SP140L: variants seen among roughly 807,000 people sequenced by gnomAD.
SP140L encodes nuclear body protein SP140-like protein.
In SP140L, 64 loss-of-function variants were observed where a neutral mutation model predicts 84.3. The ratio of observed to expected loss-of-function variants is 0.76; its 90% CI spans 0.62 to 0.94. The LOEUF (loss-of-function observed/expected upper bound fraction) is 0.94, where lower values mean the gene tolerates loss of function less well. SP140L is among the 40% of genes least tolerant of loss of function. The pLI is 0.00. For missense variants in SP140L, 628 were observed against 692.5 expected, an observed-to-expected ratio of 0.91 and a Z score of 1.05; for synonymous variants, 242 against 236.9, an observed-to-expected ratio of 1.02 and a Z score of -0.20.
At chr2:230,397,767 G>A (rs2062117513) in intron 14 of SP140L, among the ~76,000 whole-genome samples, 2 of 152,120 alleles carry the variant, frequency 1.3e-5, no homozygotes, top group Non-Finnish European at 2.9e-5. Flanking sequence ...CCTCCAATCA[G>A]ATTTAGGTCT....
intron 7 of SP140L, among the ~76,000 whole-genome samples, chr2:230,376,038 T>C (rs2061231127): frequency 6.6e-6 from 1 of 152,200 alleles, no homozygotes; most frequent in South Asian, 2.1e-4. Context: ...TATGGTTTCA[T>C]GTTTGACATT....
At chr2:230,366,319 T>C (rs999263508) in intron 5 of SP140L, among the ~76,000 whole-genome samples, 1 of 152,154 alleles carries the variant, frequency 6.6e-6, no homozygotes, top group South Asian at 2.1e-4. Context: ...GCATATATAT[T>C]AGTGTGCAAT....
chr2:230,366,710 C>CATTATGAT (rs1553620448), intron 5 of SP140L, among the ~76,000 whole-genome samples: 1 of 144,588 alleles, frequency 6.9e-6, no homozygotes, highest in African/African-American at 2.5e-5. Context: ...GGATTATTAT[C>CATTATGAT]TATTATTATT....
At chr2:230,357,432 A>T (rs886672855) in intron 2 of SP140L, among the ~76,000 whole-genome samples, 1 of 152,056 alleles carries the variant, frequency 6.6e-6, no homozygotes, top group African/African-American at 2.4e-5. Context: ...TTAGATTTTT[A>T]TTTATATTCC....
At chr2:230,384,781 G>A (rs2061518988) in intron 8 of SP140L, among the ~76,000 whole-genome samples, 1 of 151,870 alleles carries the variant, frequency 6.6e-6, no homozygotes. Context: ...ATGTGGTGGC[G>A]GGCGCCTATA....
chr2:230,393,374 A>G, intron 12 of SP140L, 40 bp from the exon 13 acceptor site: 1 of 1,558,262 alleles, frequency 6.4e-7, no homozygotes, highest in Non-Finnish European at 8.7e-7. Flanking sequence ...CAAAACAGAA[A>G]CGCAGGCTGA....
Position 230,333,239 on chromosome 2 carries a change from A to G in SP140L, c.107+4408A>G, listed in dbSNP as rs560753488. Among the ~76,000 whole-genome samples the G allele has an allele frequency of 6.6e-5, 10 of 151,466 alleles. No homozygotes were observed. The South Asian group carries it at 1.9e-3, about 29-fold the overall frequency. On this transcript the variant is annotated intron_variant, in intron 2 of 18. Coordinates refer to ENST00000415673, the MANE Select transcript of SP140L (RefSeq NM_138402.6). ...AGTGGCACAATCTCAGCTCACTGCA[A>G]CCTCCACCTCCCAGGTTCAAGTGAT...
At chr2:230,354,916 A>G (rs915184710) in intron 2 of SP140L, among the ~76,000 whole-genome samples, 2 of 146,348 alleles carry the variant, frequency 1.4e-5, no homozygotes, top group African/African-American at 5.0e-5. Context: ...AAGAAGAAAG[A>G]AAAAGAAAGA....
chr2:230,376,405 A>T (rs1193462591), intron 7 of SP140L, among the ~76,000 whole-genome samples: 1 of 152,202 alleles, frequency 6.6e-6, no homozygotes, highest in Non-Finnish European at 1.5e-5. Flanking sequence ...TAAAGTTGCA[A>T]GATTTAAAGA....
chr2:230,374,668 C>A (rs1333470213), intron 7 of SP140L, among the ~76,000 whole-genome samples: 6 of 152,190 alleles, frequency 3.9e-5, no homozygotes, highest in Admixed American at 3.9e-4. Context: ...TTATCAACCA[C>A]CACCATGATC....
rs761714691 is a variant in SP140L, at chr2:230,390,003, A to C, written c.944A>C (p.His315Pro). 4.4e-5 allele frequency: 71 copies of C among 1,613,462 alleles called. No homozygotes were observed. The highest frequency in any genetic ancestry group is 6.7e-5 in the Admixed American group (4 of 59,950). ...VTCGGVKGIL[H>P]KEKLEQGTLA... ...TGTGGTGGGGTGAAGGGAATTTTAC[A>C]TAAGGAGAAATTGGAACAAGGTGGG... Residue 315 changes from histidine (H) to proline (P), a missense_variant, in exon 11 of 19, where the codon CAT (histidine) becomes CCT (proline). This residue lies in a region of SP140L where 525 missense variants were observed against 518.4 expected (regional missense o/e 1.01). Coordinates refer to ENST00000415673, the MANE Select transcript of SP140L (RefSeq NM_138402.6).
intron 10 of SP140L, among the ~76,000 whole-genome samples, chr2:230,389,577 A>G (rs1250004598): frequency 6.6e-6 from 1 of 152,180 alleles, no homozygotes; most frequent in African/African-American, 2.4e-5. Context: ...GCAAAACAGA[A>G]TAGCTGGAGA....
At chr2:230,350,719 G>T (rs542692860) in intron 2 of SP140L, among the ~76,000 whole-genome samples, 1 of 152,054 alleles carries the variant, frequency 6.6e-6, no homozygotes, top group Non-Finnish European at 1.5e-5. Flanking sequence ...AAAAAGAGAG[G>T]CAGATGAGGG....
At chr2:230,349,732 G>A (rs966108765) in intron 2 of SP140L, among the ~76,000 whole-genome samples, 2 of 152,064 alleles carry the variant, frequency 1.3e-5, no homozygotes, top group African/African-American at 2.4e-5. Context: ...CTCTAGGCTG[G>A]GCACAGTGGC....
chr2:230,354,924 A>AG (rs2060495657), intron 2 of SP140L, among the ~76,000 whole-genome samples: 1 of 151,562 alleles, frequency 6.6e-6, no homozygotes, highest in East Asian at 1.9e-4. Flanking sequence ...AGAAAAAGAA[A>AG]GAAAAAAGAA....
chr2:230,400,243 G>GT lies in SP140L; in HGVS notation c.1313+2dup. 6.2e-7 allele frequency: 1 copy of GT among 1,614,052 alleles called. No homozygotes were observed. Among genetic ancestry groups the GT allele is most frequent in the Non-Finnish European group, 8.5e-7 (1 of 1,179,920 alleles). ...ACATCCCACCTGTGGAAAGTGAGAA[G>GT]TAAGTGACATGCAGGCACCTCTCTT... On this transcript the variant is annotated splice_donor_variant, in intron 15 of 18. Transcript: ENST00000415673. LOFTEE classifies it high-confidence loss of function.
chr2:230,332,627 A>G (rs1476274896), intron 2 of SP140L, among the ~76,000 whole-genome samples: 5 of 152,224 alleles, frequency 3.3e-5, no homozygotes, highest in African/African-American at 4.8e-5. Context: ...TGATGATCAC[A>G]TTTCCTTTCC....
intron 3 of SP140L, among the ~76,000 whole-genome samples, 182 bp downstream of exon 3, chr2:230,358,149 G>C (rs116778996): frequency 0.011 from 1,721 of 152,268 alleles, 16 homozygotes; most frequent in Non-Finnish European, 0.018. Context: ...TGGTACTGGA[G>C]AAACTGGAAC....
Position 230,371,606 on chromosome 2 carries a change from G to A in SP140L, c.592G>A (p.Asp198Asn), listed in dbSNP as rs2061074276. Residue 198 changes from aspartate (D) to asparagine (N), a missense_variant, in exon 7 of 19, where the codon GAT becomes AAT. By Grantham distance (23) the Asp-to-Asn change is conservative. Coordinates refer to ENST00000415673, the MANE Select transcript of SP140L (RefSeq NM_138402.6). ...DQACGKMDTV[D>N]IANNSTLGKP... Reference sequence around the variant, plus strand: ...CACTTGTTATTTTCTAGATACTGTGGATATTGCAAACAACTCTACTTTGGG... The same window carrying A: ...CACTTGTTATTTTCTAGATACTGTGAATATTGCAAACAACTCTACTTTGGG... The A allele has an allele frequency of 6.2e-7, 1 of 1,603,738 alleles. No individual in the cohort carries two copies. The highest frequency in any genetic ancestry group is 1.3e-5 in the African/African-American group (1 of 74,526).
Sources: gnomAD v4.1 joint callset for allele counts (sites outside exome capture counted in the v4.1 genomes callset) on GRCh38, gnomAD v4.1.1 for gene constraint, gnomAD v4.1.1 regional missense constraint, MANE v1.5 for transcripts, NCBI Gene and HGNC (gene_info 2026-07-23, HGNC 2026-07-21) for gene names.